Variants in GALNT13 observed in about 807,000 individuals in gnomAD.
GALNT13 encodes UDP-GalNAc:polypeptide N-acetylgalactosaminyltransferase 13.
In GALNT13, 28 loss-of-function variants were observed where a neutral mutation model predicts 64.2. The ratio of observed to expected loss-of-function variants is 0.44; its 90% confidence interval spans 0.32 to 0.60. The LOEUF (loss-of-function observed/expected upper bound fraction) is 0.60. Ranked by LOEUF, GALNT13 falls within the 20% of genes least tolerant of loss-of-function variation. GALNT13 has a pLI of 0.05. For synonymous variants in GALNT13, 214 were observed against 224.6 expected (o/e 0.95, Z 0.42); for missense variants, 577 against 669.8 (o/e 0.86, Z 1.53).
chr2:154,170,191 T>C (rs1685273515), intron 4 of GALNT13, among the ~76,000 whole-genome samples: 1 of 152,148 alleles, frequency 6.6e-6, no homozygotes, highest in African/African-American at 2.4e-5. Flanking sequence ...TCTTGTTCTA[T>C]CTGGGACCTT....
chr2:154,450,417 A>G lies in GALNT13; in HGVS notation c.1537A>G (p.Thr513Ala), dbSNP rs765387478. Residue 513 changes from threonine (T) to alanine (A), a missense_variant, in exon 13 of 13, where the codon ACG (threonine) becomes GCG (alanine). Physicochemically the swap from Thr to Ala is moderately conservative, Grantham distance 58. This residue lies in a region of GALNT13 where 232 missense variants were observed against 270.6 expected (regional missense o/e 0.86). Transcript: ENST00000392825. The part of the protein sequence containing the change: ...QLWEYDAERL[T>A]LRHVNSNQCL... Reference sequence around the variant, plus strand: ...TATTGGTTATCTTTTACAGAGACTCACGTTGCGACATGTTAACAGTAACCA... The same window carrying G: ...TATTGGTTATCTTTTACAGAGACTCGCGTTGCGACATGTTAACAGTAACCA... The G allele has an allele frequency of 6.2e-7, 1 of 1,609,596 alleles. No homozygotes were observed. Among genetic ancestry groups the G allele is most frequent in the South Asian group, 1.1e-5 (1 of 90,360 alleles).
the GALNT13 span, among the ~76,000 whole-genome samples, chr2:153,707,962 A>G: frequency 6.6e-6 from 1 of 152,088 alleles, no homozygotes; most frequent in Non-Finnish European, 1.5e-5. Flanking sequence ...TTAATCTCTT[A>G]TGGGCTCCAT....
chr2:153,230,504 A>C, the GALNT13 span, among the ~76,000 whole-genome samples: 1 of 152,224 alleles, frequency 6.6e-6, no homozygotes, highest in Non-Finnish European at 1.5e-5. Flanking sequence ...CAATTTTATT[A>C]GCTTTGAAAT....
intron 3 of GALNT13, among the ~76,000 whole-genome samples, chr2:154,103,319 T>C (rs373739433): frequency 6.6e-6 from 1 of 152,200 alleles, no homozygotes; most frequent in Non-Finnish European, 1.5e-5. Flanking sequence ...GAAATTCCTA[T>C]AGTGAATTTT....
intron 2 of GALNT13, among the ~76,000 whole-genome samples, chr2:153,919,009 A>G (rs943299588): frequency 1.3e-5 from 2 of 152,122 alleles, no homozygotes; most frequent in East Asian, 1.9e-4. Flanking sequence ...TGCATATAGA[A>G]TATACTTCTT....
chr2:154,280,386 A>G (rs568396679), intron 8 of GALNT13, among the ~76,000 whole-genome samples: 3 of 152,264 alleles, frequency 2.0e-5, no homozygotes, highest in East Asian at 3.9e-4. Flanking sequence ...GCTAATATAT[A>G]TTTGCTGAAT....
chr2:153,408,393 G>GA, the GALNT13 span, among the ~76,000 whole-genome samples: 1 of 151,738 alleles, frequency 6.6e-6, no homozygotes, highest in Non-Finnish European at 1.5e-5. Context: ...AATAAAACAA[G>GA]AAAAAATAAG....
chr2:154,173,268 T>TA, intron 4 of GALNT13, among the ~76,000 whole-genome samples: 1 of 151,856 alleles, frequency 6.6e-6, no homozygotes, highest in African/African-American at 2.4e-5. Flanking sequence ...GGAAACTGGA[T>TA]AACTGTAGAA....
At chr2:153,942,895 C>T (rs969347208) in intron 2 of GALNT13, among the ~76,000 whole-genome samples, 4 of 152,116 alleles carry the variant, frequency 2.6e-5, no homozygotes, top group Non-Finnish European at 5.9e-5. Flanking sequence ...AGAGCTTGTG[C>T]TCATCAAATT....
At chr2:153,438,905 T>C in the GALNT13 span, among the ~76,000 whole-genome samples, 1 of 152,188 alleles carries the variant, frequency 6.6e-6, no homozygotes, top group Non-Finnish European at 1.5e-5. Context: ...TCTGATTTTT[T>C]GAGTTTCCAG....
At chr2:153,731,498 GATA>G in the GALNT13 span, among the ~76,000 whole-genome samples, 1 of 151,728 alleles carries the variant, frequency 6.6e-6, no homozygotes, top group Non-Finnish European at 1.5e-5. Context: ...ATCTATTACT[GATA>G]ATATAATAAT....
the GALNT13 span, among the ~76,000 whole-genome samples, chr2:153,496,993 C>CAAAAAAAAAAAAAA: frequency 6.6e-5 from 6 of 90,866 alleles, no homozygotes; most frequent in Non-Finnish European, 1.1e-4. Flanking sequence ...GATTTTGTCT[C>CAAAAAAAAAAAAAA]AAAAAAAAAA....
chr2:153,418,702 G>C, the GALNT13 span, among the ~76,000 whole-genome samples: 1 of 152,104 alleles, frequency 6.6e-6, no homozygotes, highest in Admixed American at 6.5e-5. Context: ...CTTCGAGAGA[G>C]TGGAGGGTAG....
At chr2:153,652,046 A>G in the GALNT13 span, among the ~76,000 whole-genome samples, 1 of 152,176 alleles carries the variant, frequency 6.6e-6, no homozygotes, top group Admixed American at 6.6e-5. Context: ...AGGATAGAGC[A>G]GCAAGAGTTA....
chr2:154,079,719 C>T (rs979769200), intron 3 of GALNT13, among the ~76,000 whole-genome samples: 1 of 151,446 alleles, frequency 6.6e-6, no homozygotes, highest in African/African-American at 2.4e-5. Context: ...GCATACTTAC[C>T]TCAGGCTTTT....
chr2:153,078,435 C>A, the GALNT13 span, among the ~76,000 whole-genome samples: 1 of 151,758 alleles, frequency 6.6e-6, no homozygotes, highest in Admixed American at 6.6e-5. Flanking sequence ...CCTCAGCCTC[C>A]CAAGTAGCTG....
At chr2:153,364,816 T>G in the GALNT13 span, among the ~76,000 whole-genome samples, 1 of 152,158 alleles carries the variant, frequency 6.6e-6, no homozygotes, top group African/African-American at 2.4e-5. Context: ...CTGCCCAAAG[T>G]AATTTATGGA....
chr2:153,940,260 CTTTTT>C (rs35641791), intron 2 of GALNT13, among the ~76,000 whole-genome samples: 1 of 129,228 alleles, frequency 7.7e-6, no homozygotes, highest in African/African-American at 2.9e-5. Context: ...AAGTTTTTGT[CTTTTT>C]TTTTTTTTTT....
chr2:154,171,817 T>C (rs1685364302), intron 4 of GALNT13, among the ~76,000 whole-genome samples: 1 of 152,100 alleles, frequency 6.6e-6, no homozygotes, highest in African/African-American at 2.4e-5. Context: ...AATGATATAA[T>C]CCATTTTGGA....
Sources: allele counts gnomAD v4.1 joint callset (sites outside exome capture counted in the v4.1 genomes callset), GRCh38; gene constraint gnomAD v4.1.1; regional missense constraint gnomAD v4.1.1; transcripts MANE v1.5; gene names NCBI Gene and HGNC (gene_info 2026-07-23, HGNC 2026-07-21).